Variants in TTC39B observed in about 807,000 individuals in gnomAD.
TTC39B encodes the protein tetratricopeptide repeat protein 39B.
In TTC39B, 92 loss-of-function variants were observed where a neutral mutation model predicts 96.6. The ratio of observed to expected loss-of-function variants is 0.95; its 90% CI spans 0.80 to 1.13. The LOEUF (loss-of-function observed/expected upper bound fraction) is 1.13. Among genes scored for constraint, TTC39B ranks in the 50% most tolerant of loss-of-function variants. The pLI is 0.00. For missense variants in TTC39B, 955 were observed against 809.3 expected (o/e 1.18, Z -2.18); for synonymous variants, 367 against 299.4 (o/e 1.23, Z -2.33).
At chr9:15,211,481 T>G (rs1273851358) in intron 4 of TTC39B, 84 bp from the exon 5 acceptor site, 9 of 1,175,028 alleles carry the variant, frequency 7.7e-6, no homozygotes, top group Admixed American at 6.2e-5. Flanking sequence ...ATGTCCTGAC[T>G]TGCACAGTAA....
At chr9:15,300,212 T>C (rs1227405382) in intron 1 of TTC39B, among the ~76,000 whole-genome samples, 6 of 152,142 alleles carry the variant, frequency 3.9e-5, no homozygotes, top group Admixed American at 3.3e-4. Flanking sequence ...CTGCTTGCTG[T>C]CCTTCCCCAT....
intron 1 of TTC39B, among the ~76,000 whole-genome samples, chr9:15,272,770 G>T (rs374913907): frequency 7.2e-5 from 11 of 152,292 alleles, no homozygotes; most frequent in African/African-American, 2.4e-4. Flanking sequence ...GCAAATCATG[G>T]TTAGCTAACT....
At chr9:15,212,456 G>A (rs983158829) in intron 4 of TTC39B, among the ~76,000 whole-genome samples, 4 of 151,416 alleles carry the variant, frequency 2.6e-5, no homozygotes, top group African/African-American at 7.3e-5. Flanking sequence ...ACAGAGCTTC[G>A]CTCTTGTTGC....
chr9:15,214,334 G>GTA, intron 3 of TTC39B, 85 bp from the exon 4 acceptor site: 1 of 817,560 alleles, frequency 1.2e-6, no homozygotes, highest in East Asian at 2.7e-5. Flanking sequence ...GTGTGTGTGT[G>GTA]TGTGTGTGTG....
chr9:15,172,665 T>C (rs1040325217), intron 19 of TTC39B, among the ~76,000 whole-genome samples: 2 of 152,202 alleles, frequency 1.3e-5, no homozygotes, highest in African/African-American at 4.8e-5. Flanking sequence ...GCCATAGAAA[T>C]CCAAAGATTA....
Position 15,178,979 on chromosome 9 carries a change from C to T in TTC39B, c.1724-1165G>A, listed in dbSNP as rs114560750. Among the ~76,000 whole-genome samples, 1,185 of 152,284 alleles carry T rather than the reference C, an allele frequency of 7.8e-3. 13 individuals carry two copies. Among genetic ancestry groups the T allele is most frequent in the African/African-American group, 0.027 (1,116 of 41,578 alleles). On this transcript the variant is annotated intron_variant, in intron 17 of 19. Transcript: ENST00000512701. ...AACTATGCCATAAGATTTAACAAAACGGTTCTGAAGTACATGAAAGGCACC... is the reference window on the plus strand; with the variant it reads ...AACTATGCCATAAGATTTAACAAAATGGTTCTGAAGTACATGAAAGGCACC...
exon 20 of TTC39B, chr9:15,170,952 T>C (rs1457837392): frequency 6.6e-6 from 1 of 152,234 alleles, no homozygotes; most frequent in Non-Finnish European, 1.5e-5. Context: ...TTCTTTAATC[T>C]TGATTTCACA....
intron 2 of TTC39B, among the ~76,000 whole-genome samples, chr9:15,233,643 C>T (rs1369197856): frequency 2.0e-5 from 3 of 152,222 alleles, no homozygotes; most frequent in Non-Finnish European, 4.4e-5. Flanking sequence ...CAGACGGAGT[C>T]TCGTTCGCTC....
At chr9:15,286,720 T>C (rs1587010939) in intron 1 of TTC39B, among the ~76,000 whole-genome samples, 1 of 152,182 alleles carries the variant, frequency 6.6e-6, no homozygotes, top group African/African-American at 2.4e-5. Context: ...ACCTCAGCAC[T>C]CCTTCCATTC....
At chr9:15,184,318 T>C (rs1818404639) in intron 16 of TTC39B, among the ~76,000 whole-genome samples, 1 of 151,658 alleles carries the variant, frequency 6.6e-6, no homozygotes, top group African/African-American at 2.4e-5. Context: ...GAGAATTATA[T>C]GCACATGTAC....
intron 17 of TTC39B, among the ~76,000 whole-genome samples, chr9:15,180,113 G>A (rs865841134): frequency 6.6e-5 from 10 of 152,202 alleles, no homozygotes; most frequent in East Asian, 1.9e-4. Flanking sequence ...ACAATTTTAC[G>A]ACAAAAGATC....
At chr9:15,250,503 A>T (rs10756655) in intron 2 of TTC39B, among the ~76,000 whole-genome samples, 73,854 of 151,986 alleles carry the variant, frequency 0.49, 18,156 homozygotes, top group East Asian at 0.73. Flanking sequence ...CATGGACTTT[A>T]AAAAAATACT....
chr9:15,169,123 T>C (rs893989425), exon 20 of TTC39B: 3 of 152,194 alleles, frequency 2.0e-5, no homozygotes, highest in South Asian at 2.1e-4. Context: ...TTTTAGACTG[T>C]TGGGTTTTCC....
chr9:15,257,186 C>T (rs1456186274), intron 2 of TTC39B, among the ~76,000 whole-genome samples: 2 of 152,110 alleles, frequency 1.3e-5, no homozygotes, highest in Non-Finnish European at 2.9e-5. Context: ...AACTATAGCT[C>T]TATATCAATG....
chr9:15,241,216 T>C (rs1025197297), intron 2 of TTC39B, among the ~76,000 whole-genome samples: 2 of 152,110 alleles, frequency 1.3e-5, no homozygotes, highest in African/African-American at 4.8e-5. Context: ...TTGAACAGCT[T>C]CTCTCAAGAG....
At chr9:15,174,092 T>C (rs1817801360) in intron 19 of TTC39B, among the ~76,000 whole-genome samples, 1 of 152,216 alleles carries the variant, frequency 6.6e-6, no homozygotes, top group Non-Finnish European at 1.5e-5. Context: ...CAAGGAAATA[T>C]TTCAGAATCA....
At chr9:15,182,905 A>G (rs995325601) in intron 16 of TTC39B, among the ~76,000 whole-genome samples, 11 of 152,232 alleles carry the variant, frequency 7.2e-5, no homozygotes, top group Non-Finnish European at 1.6e-4. Flanking sequence ...GTAATCCAAT[A>G]TGCAGAAAAC....
chr9:15,186,858 G>C (rs777263885), intron 15 of TTC39B, 86 bp downstream of exon 15: 23 of 1,230,558 alleles, frequency 1.9e-5, no homozygotes, highest in Non-Finnish European at 2.4e-5. Context: ...ACCAGGCCCA[G>C]CTAATTTTTT....
intron 1 of TTC39B, among the ~76,000 whole-genome samples, chr9:15,273,364 A>T (rs1823424494): frequency 6.6e-6 from 1 of 152,198 alleles, no homozygotes; most frequent in South Asian, 2.1e-4. Context: ...TTACTGCAAG[A>T]AGGAAAAGGA....
Sources: allele counts gnomAD v4.1 joint callset (sites outside exome capture counted in the v4.1 genomes callset), GRCh38; gene constraint gnomAD v4.1.1; transcripts MANE v1.5; gene names NCBI Gene and HGNC (gene_info 2026-07-23, HGNC 2026-07-21).